APBA1: variants seen among roughly 807,000 people sequenced by gnomAD.
The protein encoded by APBA1 is amyloid-beta A4 precursor protein-binding family A member 1.
In APBA1, 55 loss-of-function variants were observed where a neutral mutation model predicts 86.6. The observed-to-expected ratio is 0.64, with a 90% CI of 0.51 to 0.80. APBA1 has a LOEUF of 0.80. APBA1 is among the 30% of genes least tolerant of loss of function. The pLI, the probability that APBA1 is intolerant of heterozygous loss-of-function variation, is 0.00. For missense variants in APBA1, 1,090 were observed against 1,183.0 expected (o/e 0.92, Z 1.15); for synonymous variants, 511 against 493.9 (o/e 1.03, Z -0.46).
intron 5 of APBA1, among the ~76,000 whole-genome samples, chr9:69,465,887 G>T (rs1005336306): frequency 2.0e-5 from 3 of 152,198 alleles, no homozygotes; most frequent in African/African-American, 7.2e-5. Context: ...GCACAGGCAA[G>T]GTTTGTGTGC....
intron 5 of APBA1, among the ~76,000 whole-genome samples, chr9:69,466,228 C>G (rs554554284): frequency 1.3e-5 from 2 of 152,110 alleles, no homozygotes; most frequent in Admixed American, 6.6e-5. Flanking sequence ...AGGAGGAAGC[C>G]ATGAGAGGGA....
At chr9:69,625,948 A>C (rs2133993746) in intron 1 of APBA1, among the ~76,000 whole-genome samples, 1 of 152,276 alleles carries the variant, frequency 6.6e-6, no homozygotes, top group Middle Eastern at 3.4e-3. Flanking sequence ...TGGTCCAAAA[A>C]GGCTTTATCT....
chr9:69,576,136 T>C (rs574999656), intron 1 of APBA1, among the ~76,000 whole-genome samples: 163 of 152,188 alleles, frequency 1.1e-3, no homozygotes, highest in African/African-American at 3.9e-3. Context: ...ATCAGAGAAA[T>C]GCAAATCAAA....
chr9:69,488,599 C>G (rs1459373073), intron 2 of APBA1, among the ~76,000 whole-genome samples: 5 of 152,088 alleles, frequency 3.3e-5, no homozygotes, highest in African/African-American at 9.7e-5. Flanking sequence ...TTCCTTAGAG[C>G]ACCTCCGCTC....
At chr9:69,600,371 G>A (rs1345761132) in intron 1 of APBA1, among the ~76,000 whole-genome samples, 2 of 152,216 alleles carry the variant, frequency 1.3e-5, no homozygotes, top group African/African-American at 4.8e-5. Flanking sequence ...TAAAATGGGA[G>A]TGGTATGGTT....
At chr9:69,641,831 G>T (rs1021883313) in intron 1 of APBA1, among the ~76,000 whole-genome samples, 1 of 152,100 alleles carries the variant, frequency 6.6e-6, no homozygotes, top group Non-Finnish European at 1.5e-5. Context: ...GCTAGGTGAA[G>T]ATTTCCTTTT....
At chr9:69,565,938 C>G (rs1481874039) in intron 1 of APBA1, among the ~76,000 whole-genome samples, 1 of 152,248 alleles carries the variant, frequency 6.6e-6, no homozygotes, top group Non-Finnish European at 1.5e-5. Flanking sequence ...GAGTGAGGAG[C>G]AAGCCCTGAC....
intron 1 of APBA1, among the ~76,000 whole-genome samples, chr9:69,536,155 G>T (rs1836506256): frequency 6.6e-6 from 1 of 150,920 alleles, no homozygotes; most frequent in Non-Finnish European, 1.5e-5. Context: ...ATAATCATTA[G>T]GTCATTTCCA....
chr9:69,543,215 G>A (rs1836644684), intron 1 of APBA1, among the ~76,000 whole-genome samples: 1 of 152,094 alleles, frequency 6.6e-6, no homozygotes, highest in Non-Finnish European at 1.5e-5. Context: ...AGTTCTTTGA[G>A]CCTGGACTGC....
intron 1 of APBA1, among the ~76,000 whole-genome samples, chr9:69,589,061 C>G (rs949638776): frequency 1.3e-5 from 2 of 152,132 alleles, no homozygotes; most frequent in African/African-American, 4.8e-5. Context: ...ATCAAGCCAT[C>G]CTTCCACCTC....
chr9:69,620,816 C>A (rs1177053313), intron 1 of APBA1, among the ~76,000 whole-genome samples: 2 of 152,186 alleles, frequency 1.3e-5, no homozygotes, highest in Non-Finnish European at 2.9e-5. Context: ...CATGGAGATG[C>A]CATGGAGGGA....
At chr9:69,558,002 CAT>C (rs1235273210) in intron 1 of APBA1, among the ~76,000 whole-genome samples, 1 of 152,176 alleles carries the variant, frequency 6.6e-6, no homozygotes, top group Non-Finnish European at 1.5e-5. Context: ...CTGAGGCATA[CAT>C]GTTAGAATCT....
At chr9:69,645,644 G>A (rs983582340) in intron 1 of APBA1, among the ~76,000 whole-genome samples, 5 of 152,192 alleles carry the variant, frequency 3.3e-5, no homozygotes, top group Admixed American at 2.0e-4. Flanking sequence ...ATGAAAGGGA[G>A]GGGGGAGCTC....
chr9:69,642,538 GT>G (rs1190079436), intron 1 of APBA1, among the ~76,000 whole-genome samples: 1 of 152,078 alleles, frequency 6.6e-6, no homozygotes, highest in Admixed American at 6.6e-5. Context: ...TTGGAAAACA[GT>G]TTGGCAATCT....
intron 4 of APBA1, among the ~76,000 whole-genome samples, chr9:69,470,807 G>A (rs1198341102): frequency 6.6e-6 from 1 of 152,214 alleles, no homozygotes; most frequent in African/African-American, 2.4e-5. Context: ...CAGAGAGTGA[G>A]TGCCTCTTTG....
chr9:69,511,967 A>G (rs2133883792), intron 2 of APBA1, among the ~76,000 whole-genome samples: 1 of 151,932 alleles, frequency 6.6e-6, no homozygotes, highest in South Asian at 2.1e-4. Context: ...AGATATACCT[A>G]ATGCTAGATG....
chr9:69,487,229 C>A (rs1030131288), intron 2 of APBA1, among the ~76,000 whole-genome samples: 2 of 151,976 alleles, frequency 1.3e-5, no homozygotes, highest in Non-Finnish European at 2.9e-5. Context: ...AAATTCTAGT[C>A]AAGAGACACA....
chr9:69,447,770 A>G (rs565028662), intron 10 of APBA1, among the ~76,000 whole-genome samples: 20 of 152,302 alleles, frequency 1.3e-4, no homozygotes, highest in African/African-American at 3.8e-4. Context: ...CCGAAGGCTC[A>G]GCAAGTCAGT....
chr9:69,545,824 G>A (rs570991915), intron 1 of APBA1, among the ~76,000 whole-genome samples: 2 of 152,130 alleles, frequency 1.3e-5, no homozygotes, highest in Non-Finnish European at 2.9e-5. Context: ...CAAAAAGAAA[G>A]AGTATTTGAA....
Sources: allele counts gnomAD v4.1 joint callset (sites outside exome capture counted in the v4.1 genomes callset), GRCh38; gene constraint gnomAD v4.1.1; transcripts MANE v1.5; gene names NCBI Gene and HGNC (gene_info 2026-07-23, HGNC 2026-07-21).